Variants in SLC36A3 observed in about 807,000 individuals in gnomAD.
SLC36A3 encodes proton-coupled amino acid transporter 3.
Under a neutral mutation model 44.3 loss-of-function variants are expected in SLC36A3, and 35 were observed. The ratio of observed to expected loss-of-function variants is 0.79; its 90% CI spans 0.60 to 1.05. The LOEUF (loss-of-function observed/expected upper bound fraction) is 1.05, where lower values mean the gene tolerates loss of function less well. SLC36A3 is among the 50% of genes least tolerant of loss of function. The pLI is 0.00. For missense variants in SLC36A3, 540 were observed against 578.7 expected, an observed-to-expected ratio of 0.93 and a Z score of 0.69; for synonymous variants, 211 against 227.6, an observed-to-expected ratio of 0.93 and a Z score of 0.66.
chr5:151,295,735 T>A (rs1754935241), intron 3 of SLC36A3, among the ~76,000 whole-genome samples: 1 of 152,216 alleles, frequency 6.6e-6, no homozygotes, highest in African/African-American at 2.4e-5. Flanking sequence ...TTGTGAAGAC[T>A]TCTTTTCAGT....
At chr5:151,294,242 A>T (rs143130869) in intron 3 of SLC36A3, among the ~76,000 whole-genome samples, 46 of 152,312 alleles carry the variant, frequency 3.0e-4, no homozygotes, top group African/African-American at 1.1e-3. Flanking sequence ...ACAGTGAGAG[A>T]CGGATATAGA....
At chr5:151,283,354 T>G (rs1206103724) in intron 8 of SLC36A3, among the ~76,000 whole-genome samples, 1 of 152,190 alleles carries the variant, frequency 6.6e-6, no homozygotes, top group African/African-American at 2.4e-5. Flanking sequence ...TGATGACTAG[T>G]GAGGTTCACA....
intron 1 of SLC36A3, among the ~76,000 whole-genome samples, chr5:151,299,264 C>CTCTCTCTCTATATATATA (rs1372309288): frequency 3.5e-4 from 21 of 59,634 alleles, no homozygotes; most frequent in Non-Finnish European, 5.3e-4. Flanking sequence ...CTCTCTCTCT[C>CTCTCTCTCTATATATATA]TATATATATA....
At chr5:151,300,477 A>C (rs1320607441) in intron 1 of SLC36A3, among the ~76,000 whole-genome samples, 2 of 152,178 alleles carry the variant, frequency 1.3e-5, no homozygotes, top group East Asian at 3.8e-4. Context: ...TTTCTTGATA[A>C]CTGTAATTTG....
intron 4 of SLC36A3, among the ~76,000 whole-genome samples, chr5:151,289,905 G>A (rs1030149438): frequency 6.6e-6 from 1 of 152,114 alleles, no homozygotes; most frequent in South Asian, 2.1e-4. Flanking sequence ...CTTTGAGATG[G>A]CATGATTATC....
intron 3 of SLC36A3, 105 bp downstream of exon 3, chr5:151,296,075 T>C: frequency 9.9e-7 from 1 of 1,009,820 alleles, no homozygotes; most frequent in East Asian, 2.5e-5. Context: ...GGTAGGAAGG[T>C]GGCCTGGAGC....
At chr5:151,296,325 G>A in intron 2 of SLC36A3, 57 bp from the exon 3 acceptor site, 1 of 1,474,130 alleles carries the variant, frequency 6.8e-7, no homozygotes, top group South Asian at 1.2e-5. Context: ...CCCATTCCCT[G>A]GCCCTCTCAC....
At position 151,281,246 on chromosome 5, in the gene SLC36A3, CACTT is replaced by C. The variant is rs1307053871; in HGVS notation, c.975-67_975-64del. ...CTCCCCGGAAGGGCCATTGAGGACT[CACTT>C]ACTGCTCAGAAGCTGGTATGGGTTG... is the stretch of plus-strand genomic sequence containing the variant. On this transcript the variant is annotated intron_variant, in intron 8 of 9. Coordinates refer to ENST00000335230, the MANE Select transcript of SLC36A3 (RefSeq NM_181774.4). 2.7e-6 allele frequency: 4 copies of C among 1,501,974 alleles called. No homozygotes were observed. In the African/African-American group the frequency reaches 4.2e-5, roughly 16 times the overall value. The allele number at this position is 1,501,974 out of a possible 1,614,324, so 93.0% of individuals were successfully genotyped here.
At chr5:151,294,147 C>A (rs146139560) in intron 3 of SLC36A3, among the ~76,000 whole-genome samples, 8 of 152,294 alleles carry the variant, frequency 5.3e-5, no homozygotes, top group Admixed American at 1.3e-4. Flanking sequence ...ACATGACCCT[C>A]AGGTAGCCAG....
At chr5:151,279,886 C>G (rs970310875) in intron 9 of SLC36A3, among the ~76,000 whole-genome samples, 4 of 152,184 alleles carry the variant, frequency 2.6e-5, no homozygotes, top group African/African-American at 9.7e-5. Context: ...CTAAATTTCT[C>G]CCTTCACTTT....
At chr5:151,301,223 C>T (rs1432045453) in intron 1 of SLC36A3, among the ~76,000 whole-genome samples, 1 of 152,166 alleles carries the variant, frequency 6.6e-6, no homozygotes, top group Admixed American at 6.5e-5. Context: ...TGGTATCACC[C>T]CTTTCCCAAA....
At chr5:151,293,221 G>A in intron 4 of SLC36A3, 143 bp downstream of exon 4, 1 of 690,162 alleles carries the variant, frequency 1.4e-6, no homozygotes, top group South Asian at 2.2e-5. Context: ...AGTGAGATGG[G>A]GGATGGGGTT....
intron 4 of SLC36A3, among the ~76,000 whole-genome samples, chr5:151,292,193 G>A (rs1419320127): frequency 1.3e-5 from 2 of 152,068 alleles, no homozygotes; most frequent in African/African-American, 4.8e-5. Context: ...AAGCTCCTCA[G>A]GTATCTCTCA....
At position 151,294,933 on chromosome 5, in the gene SLC36A3, T is replaced by C. The variant is rs775995225; in HGVS notation, c.308+1247A>G. Among the ~76,000 whole-genome samples, 232 of 152,022 alleles carry C rather than the reference T, an allele frequency of 1.5e-3. 2 individuals are homozygous for C. The highest frequency in any genetic ancestry group is 5.4e-3 in the Admixed American group (82 of 15,278). ...TGTGAGCCACTGCACCCGGCCGAAA[T>C]CTCCAGGGTTTAAACATTGACTAAA... On this transcript the variant is annotated intron_variant, in intron 3 of 9. Coordinates refer to ENST00000335230, the MANE Select transcript of SLC36A3 (RefSeq NM_181774.4).
intron 4 of SLC36A3, among the ~76,000 whole-genome samples, chr5:151,291,159 A>T (rs898406338): frequency 3.3e-5 from 5 of 151,780 alleles, no homozygotes; most frequent in African/African-American, 7.3e-5. Context: ...TTTAAAAAAA[A>T]TTTTTGTGGA....
At chr5:151,298,747 T>C in intron 1 of SLC36A3, 64 bp from the exon 2 acceptor site, 1 of 1,542,172 alleles carries the variant, frequency 6.5e-7, no homozygotes, top group Admixed American at 1.7e-5. Context: ...GGCCAGAAAC[T>C]CAGCCTCCTT....
At chr5:151,300,487 G>T (rs1383133040) in intron 1 of SLC36A3, among the ~76,000 whole-genome samples, 1 of 152,094 alleles carries the variant, frequency 6.6e-6, no homozygotes, top group Non-Finnish European at 1.5e-5. Flanking sequence ...ACTGTAATTT[G>T]TCAATTCTTA....
intron 3 of SLC36A3, among the ~76,000 whole-genome samples, chr5:151,294,558 A>T (rs1754889103): frequency 6.6e-6 from 1 of 152,144 alleles, no homozygotes; most frequent in Non-Finnish European, 1.5e-5. Context: ...TGTCTAACTG[A>T]TTAAGAAGGC....
intron 1 of SLC36A3, among the ~76,000 whole-genome samples, chr5:151,301,730 A>C (rs1424617199): frequency 1.6e-4 from 3 of 19,030 alleles, no homozygotes; most frequent in African/African-American, 1.3e-3. Context: ...GACTCCGTCT[A>C]AAAAAAAAAA....
Sources: allele counts gnomAD v4.1 joint callset (sites outside exome capture counted in the v4.1 genomes callset), GRCh38; gene constraint gnomAD v4.1.1; transcripts MANE v1.5; gene names NCBI Gene and HGNC (gene_info 2026-07-23, HGNC 2026-07-21).